The following TRIM15 variants were observed in gnomAD, a reference collection of about 807,000 sequenced individuals.
TRIM15 encodes the protein E3 ubiquitin-protein ligase TRIM15.
Under a neutral mutation model 35.8 loss-of-function variants are expected in TRIM15, and 35 were observed. That is an observed-to-expected ratio of 0.98 (90% CI 0.75 to 1.30). The LOEUF (loss-of-function observed/expected upper bound fraction) is 1.30. Ranked by LOEUF, TRIM15 falls within the 50% of genes most tolerant of loss-of-function variation. TRIM15 has a pLI of 0.00. For synonymous variants in TRIM15, 252 were observed against 249.8 expected (o/e 1.01, Z -0.08); for missense variants, 590 against 593.5 (o/e 0.99, Z 0.06).
intron 1 of TRIM15, among the ~76,000 whole-genome samples, chr6:30,166,221 G>A (rs987917848): frequency 3.3e-5 from 5 of 152,100 alleles, no homozygotes; most frequent in African/African-American, 1.2e-4. Context: ...TTCTTCTAGG[G>A]TTTTTATGGT....
At chr6:30,168,649 G>A (rs1180522432) in intron 3 of TRIM15, 119 bp downstream of exon 3, 5 of 986,590 alleles carry the variant, frequency 5.1e-6, no homozygotes, top group Non-Finnish European at 7.7e-6. Context: ...TTAACGGGGT[G>A]CAGATCCAGA....
At chr6:30,169,371 C>A in intron 4 of TRIM15, 108 bp downstream of exon 4, 1 of 1,164,770 alleles carries the variant, frequency 8.6e-7, no homozygotes, top group Non-Finnish European at 1.3e-6. Flanking sequence ...CAAAGGCACT[C>A]TGGCAGACAC....
intron 6 of TRIM15, 21 bp downstream of exon 6, chr6:30,171,029 G>A (rs1469335061): frequency 1.2e-6 from 2 of 1,608,776 alleles, no homozygotes; most frequent in African/African-American, 1.3e-5. Flanking sequence ...TGGGATTTGG[G>A]GAGTCATTCT....
chr6:30,168,979 A>G (rs1265729881), intron 3 of TRIM15, among the ~76,000 whole-genome samples: 1 of 151,928 alleles, frequency 6.6e-6, no homozygotes, highest in Admixed American at 6.6e-5. Flanking sequence ...GCTCTCTACC[A>G]CCTCCTAATC....
chr6:30,171,360 T>A (rs151271986), intron 6 of TRIM15, among the ~76,000 whole-genome samples: 2 of 152,338 alleles, frequency 1.3e-5, no homozygotes, highest in South Asian at 4.1e-4. Context: ...CAAGCCCTAG[T>A]TTTTTGAGAG....
intron 4 of TRIM15, chr6:30,170,220 T>C: frequency 2.6e-6 from 1 of 378,274 alleles, no homozygotes; most frequent in Non-Finnish European, 4.7e-6. Context: ...AAAGGGGTAA[T>C]GATCTCTGTC....
chr6:30,165,729 A>G (rs1252264669), intron 1 of TRIM15, among the ~76,000 whole-genome samples: 1 of 152,214 alleles, frequency 6.6e-6, no homozygotes, highest in Non-Finnish European at 1.5e-5. Context: ...ACATTGTAAA[A>G]GCATTCTTAT....
chr6:30,163,728 C>T lies in TRIM15; in HGVS notation c.44C>T (p.Ala15Val). 1 of 1,612,824 alleles carries T rather than the reference C, an allele frequency of 6.2e-7. No individual in the cohort carries two copies. Among genetic ancestry groups the T allele is most frequent in the South Asian group, 1.1e-5 (1 of 91,040 alleles). Residue 15 changes from alanine to valine, a missense_variant, in exon 1 of 7, where the codon GCC becomes GTC. Physicochemically the swap from Ala to Val is moderately conservative, Grantham distance 64. Transcript: ENST00000376694. ...CTGAAGGTGGTCCATGAGCTGCCTG[C>T]CTGTACCCTCTGTGCGGGGCCGCTG... ...PSLKVVHELPACTLCAGPLED... is the reference protein window; with the variant it reads ...PSLKVVHELPVCTLCAGPLED...
At chr6:30,169,534 G>A (rs1307424092) in intron 4 of TRIM15, 1 of 687,930 alleles carries the variant, frequency 1.5e-6, no homozygotes. Context: ...GGTTGATCCA[G>A]GAACATTTAT....
chr6:30,172,095 G>T lies in TRIM15; in HGVS notation c.1144G>T (p.Ala382Ser). Residue 382 changes from alanine (A) to serine (S), a missense_variant, in exon 7 of 7, where the codon GCC becomes TCC. Transcript: ENST00000376694. The stretch of plus-strand genomic sequence containing the variant: ...GAGGAAGGGAGAGATGGGACTCAGC[G>T]CCGAGGACGGCGTCTGGGCCGTGAT... Reference protein sequence around the residue: ...VRRKGEMGLSAEDGVWAVIIS... With the variant: ...VRRKGEMGLSSEDGVWAVIIS... The T allele has an allele frequency of 6.3e-7, 1 of 1,576,822 alleles. No individual in the cohort carries two copies.
At position 30,172,386 on chromosome 6, in the gene TRIM15, G is replaced by T. The variant is rs1338092877; in HGVS notation, c.*37G>T. ...CGAAGGGCGGCGAAGCGGAGACGGC[G>T]GCTCTCCGGGATCCAGCTCCGCCCC... On this transcript the variant is annotated 3_prime_UTR_variant, in exon 7 of 7. Transcript: ENST00000376694. The T allele has an allele frequency of 6.4e-7, 1 of 1,561,236 alleles. No individual in the cohort carries two copies. Among genetic ancestry groups the T allele is most frequent in the Admixed American group, 1.8e-5 (1 of 55,940 alleles).
rs1307381886 is a variant in TRIM15, at chr6:30,172,392, C to T, written c.*43C>T. The stretch of plus-strand genomic sequence containing the variant: ...GCGGCGAAGCGGAGACGGCGGCTCT[C>T]CGGGATCCAGCTCCGCCCCTGGCCA... On this transcript the variant is annotated 3_prime_UTR_variant, in exon 7 of 7. Coordinates refer to ENST00000376694, the MANE Select transcript of TRIM15 (RefSeq NM_033229.3). 4.5e-6 allele frequency: 7 copies of T among 1,558,032 alleles called. No homozygotes were observed. The highest frequency in any genetic ancestry group is 6.1e-6 in the Non-Finnish European group (7 of 1,156,032).
At chr6:30,169,418 C>A in intron 4 of TRIM15, 155 bp downstream of exon 4, 1 of 835,884 alleles carries the variant, frequency 1.2e-6, no homozygotes. Flanking sequence ...AGTCCAAACT[C>A]ACTAAAGATT....
At chr6:30,168,214 T>A in intron 2 of TRIM15, 86 bp from the exon 3 acceptor site, 3 of 1,187,038 alleles carry the variant, frequency 2.5e-6, no homozygotes, top group Non-Finnish European at 2.3e-6. Flanking sequence ...CCTATCCCTG[T>A]TAATCAATAA....
intron 4 of TRIM15, 28 bp from the exon 5 acceptor site, chr6:30,170,473 C>A: frequency 6.5e-7 from 1 of 1,539,478 alleles, no homozygotes; most frequent in Non-Finnish European, 9.0e-7. Flanking sequence ...GGAATTTGGA[C>A]CTAACTGGTT....
chr6:30,168,500 G>A lies in TRIM15; in HGVS notation c.678G>A (p.Lys226=), dbSNP rs1041214759. 3 of 1,605,978 alleles carry A rather than the reference G, an allele frequency of 1.9e-6. No individual in the cohort carries two copies. Among genetic ancestry groups the A allele is most frequent in the Non-Finnish European group, 2.6e-6 (3 of 1,176,270 alleles). ...CCCAGGTCAAGGAGCTGGAGGAGAA[G>A]TGTCAGCAGCCAGCAAGTGAGCTTC... The part of the protein sequence containing the change: ...LGAQVKELEE[K]CQQPASELLQ... The change falls in exon 3 of 7, where the codon AAG becomes AAA. Residue 226 remains lysine, a synonymous_variant. Transcript: ENST00000376694.
At chr6:30,171,688 T>G in intron 6 of TRIM15, 144 bp from the exon 7 acceptor site, 6 of 1,063,662 alleles carry the variant, frequency 5.6e-6, no homozygotes, top group Non-Finnish European at 7.7e-6. Flanking sequence ...CACTTGCTGA[T>G]TAGGTAGAAG....
chr6:30,172,234 T>G lies in TRIM15; in HGVS notation c.1283T>G (p.Leu428Arg). 1 of 1,612,482 alleles carries G rather than the reference T, an allele frequency of 6.2e-7. No individual in the cohort carries two copies. Among genetic ancestry groups the G allele is most frequent in the Non-Finnish European group, 8.5e-7 (1 of 1,179,788 alleles). The stretch of plus-strand genomic sequence containing the variant: ...GACTACGAGGCGGGGCAGGTGACCC[T>G]CCACAACGCCCAGACCCAGGAGCCC... ...ALDYEAGQVT[L>R]HNAQTQEPIF... Residue 428 changes from leucine to arginine, a missense_variant, in exon 7 of 7, where the codon CTC (leucine) becomes CGC (arginine). Physicochemically the swap from Leu to Arg is moderately radical, Grantham distance 102 (BLOSUM62 -2). Transcript: ENST00000376694.
chr6:30,171,863 C>T lies in TRIM15; in HGVS notation c.912C>T (p.Ser304=). 1 of 1,586,212 alleles carries T rather than the reference C, an allele frequency of 6.3e-7. No individual in the cohort carries two copies. The highest frequency in any genetic ancestry group is 8.6e-7 in the Non-Finnish European group (1 of 1,166,070). The change falls in exon 7 of 7, where the codon AGC becomes AGT. Residue 304 remains serine, a synonymous_variant. Coordinates refer to ENST00000376694, the MANE Select transcript of TRIM15 (RefSeq NM_033229.3). ...GVITLDPQTA[S]RSLVLSEDRK... ...TCACTCTGGACCCTCAGACCGCCAG[C>T]CGGAGCCTGGTTCTCTCGGAAGACA...
Sources: gnomAD v4.1 joint callset for allele counts (sites outside exome capture counted in the v4.1 genomes callset) on GRCh38, gnomAD v4.1.1 for gene constraint, MANE v1.5 for transcripts, NCBI Gene and HGNC (gene_info 2026-07-23, HGNC 2026-07-21) for gene names.